PPP1R7: variants seen among roughly 807,000 people sequenced by gnomAD.
The protein encoded by PPP1R7 is protein phosphatase 1 regulatory subunit 7, also known as protein phosphatase 1 regulatory subunit 22.
PPP1R7 carries 18 observed loss-of-function variants against 45.2 expected under a neutral mutation model. That is an observed-to-expected ratio of 0.40 (90% CI 0.28 to 0.59). The LOEUF (loss-of-function observed/expected upper bound fraction) is 0.59. Ranked by LOEUF, PPP1R7 falls within the 20% of genes least tolerant of loss-of-function variation. PPP1R7 has a pLI of 0.46. For synonymous variants in PPP1R7, 181 were observed against 183.4 expected, an observed-to-expected ratio of 0.99 and a Z score of 0.11; for missense variants, 314 against 455.8, an observed-to-expected ratio of 0.69 and a Z score of 2.83.
At chr2:241,166,068 A>G (rs1057065744) in intron 7 of PPP1R7, among the ~76,000 whole-genome samples, 1 of 138,792 alleles carries the variant, frequency 7.2e-6, no homozygotes, top group African/African-American at 2.5e-5. Context: ...ACACCTGGCT[A>G]ATTTTTTGTA....
At chr2:241,151,668 ACTCC>A (rs911720992) in intron 1 of PPP1R7, 26 of 423,292 alleles carry the variant, frequency 6.1e-5, no homozygotes, top group African/African-American at 5.0e-4. Context: ...ATATCCTCCC[ACTCC>A]CTCTTCAGCT....
chr2:241,175,430 A>G (rs2149069507), intron 9 of PPP1R7, among the ~76,000 whole-genome samples: 1 of 152,310 alleles, frequency 6.6e-6, no homozygotes, highest in East Asian at 1.9e-4. Context: ...ATCATGCAGT[A>G]TTTATTTTTG....
intron 9 of PPP1R7, among the ~76,000 whole-genome samples, chr2:241,171,053 A>G (rs529565850): frequency 2.6e-5 from 4 of 152,338 alleles, no homozygotes; most frequent in African/African-American, 9.6e-5. Flanking sequence ...GGACCAGGTG[A>G]TAGGGAAAGG....
Position 241,183,130 on chromosome 2 carries a change from G to A in PPP1R7, c.*307G>A. 2 of 417,804 alleles carry A rather than the reference G, an allele frequency of 4.8e-6. No individual in the cohort carries two copies. Among genetic ancestry groups the A allele is most frequent in the South Asian group, 4.3e-5 (2 of 46,590 alleles). 25.9% of individuals were successfully genotyped at this position (417,804 alleles called of 1,614,324 possible). A position where few individuals can be genotyped will look rare whatever the true frequency, so the allele number is the denominator to read the frequency against. The stretch of plus-strand genomic sequence containing the variant: ...TTCCTTCTCTCAGAAGGCAGTCACA[G>A]TCCCTACCTGAGTCGTGTGAAACAC... On this transcript the variant is annotated 3_prime_UTR_variant, in exon 10 of 10. Transcript: ENST00000234038.
At chr2:241,150,225 G>A (rs1575370977), upstream of PPP1R7, 1 of 1,279,156 alleles carries the variant, frequency 7.8e-7, no homozygotes. Context: ...GGCTCTGTGC[G>A]TCCCGCTTCG....
intron 6 of PPP1R7, among the ~76,000 whole-genome samples, chr2:241,162,275 A>G (rs1026996193): frequency 1.3e-5 from 2 of 152,136 alleles, no homozygotes; most frequent in Non-Finnish European, 2.9e-5. Context: ...TTAGCACACC[A>G]TCTCCCCTCC....
At chr2:241,150,141 G>C (rs2067217612), upstream of PPP1R7, 3 of 1,272,514 alleles carry the variant, frequency 2.4e-6, no homozygotes, top group Non-Finnish European at 3.0e-6. Context: ...TCGAGACAGT[G>C]ACATAAGTCA....
At chr2:241,153,766 G>A (rs968733747) in intron 2 of PPP1R7, among the ~76,000 whole-genome samples, 162 bp downstream of exon 2, 1 of 152,194 alleles carries the variant, frequency 6.6e-6, no homozygotes, top group Non-Finnish European at 1.5e-5. Flanking sequence ...TGCTCTTTGA[G>A]GTGCTCCTTC....
Position 241,169,831 on chromosome 2 carries a change from A to C in PPP1R7, c.870A>C (p.Glu290Asp). Residue 290 changes from glutamate (E) to aspartate (D), a missense_variant, in exon 9 of 10, where the codon GAA becomes GAC. Glu to Asp is a conservative substitution (Grantham distance 45). This residue lies in a region of PPP1R7 where 168 missense variants were observed against 285.3 expected (regional missense o/e 0.59). Transcript: ENST00000234038. Reference sequence around the variant, plus strand: ...CATCAAATAGAATCAAAAAGATTGAAAATATCAGCCATCTAACAGAGCTGC... The same window carrying C: ...CATCAAATAGAATCAAAAAGATTGACAATATCAGCCATCTAACAGAGCTGC... The part of the protein sequence containing the change: ...DIASNRIKKI[E>D]NISHLTELQE... 6.2e-7 allele frequency: 1 copy of C among 1,613,254 alleles called. No homozygotes were observed. The highest frequency in any genetic ancestry group is 2.2e-5 in the East Asian group (1 of 44,892).
In PPP1R7 at chr2:241,183,590, G is replaced by T. The variant is rs2068046781; in HGVS notation, c.*767G>T. 2 of 372,916 alleles carry T rather than the reference G, an allele frequency of 5.4e-6. No homozygotes were observed. The highest frequency in any genetic ancestry group is 1.1e-5 in the Non-Finnish European group (2 of 183,824). 23.1% of individuals were successfully genotyped at this position (372,916 alleles called of 1,614,324 possible). ...TGAACTCTTGGCCACTGGTATAGTGGCCTCCTGTTCTCACCCCATTGTTAT... is the reference window on the plus strand; with the variant it reads ...TGAACTCTTGGCCACTGGTATAGTGTCCTCCTGTTCTCACCCCATTGTTAT... On this transcript the variant is annotated 3_prime_UTR_variant, in exon 10 of 10. Transcript: ENST00000234038.
At chr2:241,164,233 C>G (rs1174864883) in intron 7 of PPP1R7, among the ~76,000 whole-genome samples, 1 of 152,192 alleles carries the variant, frequency 6.6e-6, no homozygotes, top group African/African-American at 2.4e-5. Context: ...CCCACCTCCC[C>G]CTTCTGCCCC....
upstream of PPP1R7, chr2:241,149,931 A>G: frequency 7.0e-7 from 1 of 1,430,060 alleles, no homozygotes; most frequent in East Asian, 2.5e-5. Flanking sequence ...GCCTGCTCCG[A>G]GCGTCAAGAG....
upstream of PPP1R7, chr2:241,150,338 G>T (rs1251683447): frequency 7.6e-7 from 1 of 1,314,300 alleles, no homozygotes; most frequent in Non-Finnish European, 9.7e-7. Flanking sequence ...GCCTCATGAC[G>T]GAACTACAAC....
At chr2:241,149,644 A>G, upstream of PPP1R7, 1 of 1,540,554 alleles carries the variant, frequency 6.5e-7, no homozygotes, top group Non-Finnish European at 8.7e-7. Flanking sequence ...AGCCAAAGGA[A>G]TAATGGGCGC....
intron 8 of PPP1R7, chr2:241,167,138 G>A (rs1346777055): frequency 1.3e-5 from 18 of 1,439,014 alleles, no homozygotes; most frequent in Middle Eastern, 1.8e-4. Flanking sequence ...GCCCCAGTGC[G>A]GTGTTCAAGA....
rs546855885 is a variant in PPP1R7 at position 241,170,050 on chromosome 2, G to A, written c.906+183G>A. On this transcript the variant is annotated intron_variant, in intron 9 of 9. Transcript: ENST00000234038. ...TTGGGTGTTGTCTGTGCTCCTCAGC[G>A]TGAGCCACAGATCAGCAGCATTGAC... Among the ~76,000 whole-genome samples the A allele has an allele frequency of 3.3e-5, 5 of 152,306 alleles. No individual in the cohort carries two copies. In the East Asian group the frequency reaches 5.8e-4, roughly 18 times the overall value.
intron 9 of PPP1R7, among the ~76,000 whole-genome samples, chr2:241,180,084 T>C (rs762730818): frequency 5.3e-5 from 8 of 152,128 alleles, no homozygotes; most frequent in Non-Finnish European, 8.8e-5. Context: ...CACAAATACA[T>C]CACATATCGA....
upstream of PPP1R7, chr2:241,150,434 G>C (rs2067232479): frequency 6.8e-7 from 1 of 1,473,768 alleles, no homozygotes; most frequent in Non-Finnish European, 9.0e-7. Context: ...CTCTGAGGCG[G>C]GAGCCCTGAT....
At chr2:241,170,752 G>T (rs1449427357) in intron 9 of PPP1R7, among the ~76,000 whole-genome samples, 1 of 152,234 alleles carries the variant, frequency 6.6e-6, no homozygotes, top group East Asian at 1.9e-4. Flanking sequence ...AACACAGGTG[G>T]CCTGCTGCAA....
Sources: gnomAD v4.1 joint callset for allele counts (sites outside exome capture counted in the v4.1 genomes callset) on GRCh38, gnomAD v4.1.1 for gene constraint, gnomAD v4.1.1 regional missense constraint, MANE v1.5 for transcripts, NCBI Gene and HGNC (gene_info 2026-07-23, HGNC 2026-07-21) for gene names.